The following PRKCA variants were observed in gnomAD, a reference collection of about 807,000 sequenced individuals.
PRKCA encodes protein kinase C alpha type.
PRKCA carries 27 observed loss-of-function variants against 87.0 expected under a neutral mutation model. The observed-to-expected ratio is 0.31, with a 90% CI of 0.23 to 0.43. The LOEUF is 0.43. Ranked by LOEUF, PRKCA falls within the 20% of genes least tolerant of loss-of-function variation. PRKCA has a pLI of 1.00. For missense variants in PRKCA, 518 were observed against 852.3 expected, an observed-to-expected ratio of 0.61 and a Z score of 4.88; for synonymous variants, 329 against 311.1, an observed-to-expected ratio of 1.06 and a Z score of -0.61.
chr17:66,486,632 C>T (rs952766296), intron 2 of PRKCA, among the ~76,000 whole-genome samples: 17 of 152,110 alleles, frequency 1.1e-4, no homozygotes, highest in African/African-American at 3.4e-4. Context: ...TTCCAGGACT[C>T]GCCTTGCAGT....
chr17:66,788,634 C>T (rs945361263), intron 15 of PRKCA, among the ~76,000 whole-genome samples: 7 of 152,100 alleles, frequency 4.6e-5, no homozygotes, highest in African/African-American at 1.7e-4. Flanking sequence ...TTGAAAACCA[C>T]CATAGGAAGG....
intron 8 of PRKCA, among the ~76,000 whole-genome samples, chr17:66,720,959 C>T (rs1259957302): frequency 6.6e-6 from 1 of 152,062 alleles, no homozygotes; most frequent in Non-Finnish European, 1.5e-5. Flanking sequence ...TGAGAATGAA[C>T]ACATTTAAAG....
chr17:66,456,509 A>G (rs1210355452), intron 2 of PRKCA, among the ~76,000 whole-genome samples: 1 of 152,168 alleles, frequency 6.6e-6, no homozygotes, highest in Non-Finnish European at 1.5e-5. Context: ...CCCAGATGTG[A>G]TGCCCAGGTG....
intron 2 of PRKCA, among the ~76,000 whole-genome samples, chr17:66,358,491 A>G (rs1908198697): frequency 6.7e-6 from 1 of 150,184 alleles, no homozygotes; most frequent in South Asian, 2.1e-4. Flanking sequence ...AATAGATGGT[A>G]ATCTATTACA....
chr17:66,650,703 G>A (rs893104238), intron 5 of PRKCA, among the ~76,000 whole-genome samples: 20 of 152,066 alleles, frequency 1.3e-4, no homozygotes, highest in African/African-American at 4.8e-4. Context: ...CTAGGGCCCT[G>A]CGCGATTTGA....
chr17:66,374,512 A>G (rs377757443), intron 2 of PRKCA, among the ~76,000 whole-genome samples: 113 of 152,140 alleles, frequency 7.4e-4, no homozygotes, highest in African/African-American at 2.6e-3. Flanking sequence ...GAGACTTGCT[A>G]TCTGATTTCC....
At chr17:66,595,694 C>G (rs946725670) in intron 3 of PRKCA, among the ~76,000 whole-genome samples, 4 of 152,022 alleles carry the variant, frequency 2.6e-5, no homozygotes, top group South Asian at 2.1e-4. Context: ...ATCTCCTGAC[C>G]TCGTGATCCG....
intron 8 of PRKCA, among the ~76,000 whole-genome samples, chr17:66,723,478 A>G (rs999738081): frequency 1.1e-4 from 16 of 152,052 alleles, no homozygotes; most frequent in African/African-American, 3.9e-4. Flanking sequence ...AAATACAAAA[A>G]TTAGCCAGGC....
At chr17:66,425,546 C>A (rs1487456680) in intron 2 of PRKCA, among the ~76,000 whole-genome samples, 1 of 152,046 alleles carries the variant, frequency 6.6e-6, no homozygotes, top group African/African-American at 2.4e-5. Context: ...GTGGCAGTCT[C>A]ATGAAAAAAA....
intron 3 of PRKCA, among the ~76,000 whole-genome samples, chr17:66,638,109 AAT>A (rs57070883): frequency 0.28 from 42,118 of 149,430 alleles, 5,935 homozygotes; most frequent in East Asian, 0.44. Context: ...TTGTTTCTAA[AAT>A]ATATATATAT....
intron 5 of PRKCA, among the ~76,000 whole-genome samples, chr17:66,653,751 T>A (rs1039885390): frequency 7.0e-6 from 1 of 143,220 alleles, no homozygotes; most frequent in African/African-American, 2.6e-5. Context: ...ATGCCTACTT[T>A]AAAGACACCA....
At chr17:66,497,367 C>A (rs565719618) in intron 3 of PRKCA, among the ~76,000 whole-genome samples, 1 of 151,884 alleles carries the variant, frequency 6.6e-6, no homozygotes, top group Non-Finnish European at 1.5e-5. Flanking sequence ...CGTGGTGGCG[C>A]ATCCTGAGAT....
rs77847041 is a variant in PRKCA, at chr17:66,782,710, A to G, written c.1606-4157A>G. Among the ~76,000 whole-genome samples, 1,210 of 151,996 alleles carry G rather than the reference A, an allele frequency of 8.0e-3. 11 individuals are homozygous for G. The highest frequency in any genetic ancestry group is 0.028 in the African/African-American group (1,158 of 41,428). Reference sequence around the variant, plus strand: ...TCAGCCTTCTAAAATTTACCCCAACACCCTTGCCCTCATTAGAGTCTTCTT... The same window carrying G: ...TCAGCCTTCTAAAATTTACCCCAACGCCCTTGCCCTCATTAGAGTCTTCTT... On this transcript the variant is annotated intron_variant, in intron 14 of 16. Transcript: ENST00000413366.
intron 3 of PRKCA, among the ~76,000 whole-genome samples, chr17:66,634,667 G>A (rs1005316570): frequency 1.3e-5 from 2 of 152,196 alleles, no homozygotes; most frequent in African/African-American, 4.8e-5. Flanking sequence ...CTACCATGTA[G>A]GAGATAAAAT....
At chr17:66,730,358 G>A (rs552807722) in intron 8 of PRKCA, among the ~76,000 whole-genome samples, 1 of 152,318 alleles carries the variant, frequency 6.6e-6, no homozygotes, top group Admixed American at 6.5e-5. Flanking sequence ...GTGAAAGCAA[G>A]TTTATTAAGA....
intron 14 of PRKCA, chr17:66,775,187 T>C: frequency 7.3e-6 from 7 of 953,678 alleles, no homozygotes; most frequent in Non-Finnish European, 8.7e-6. Context: ...CACCCCCACA[T>C]AGGACACTTC....
At chr17:66,454,274 G>A (rs1458152676) in intron 2 of PRKCA, among the ~76,000 whole-genome samples, 2 of 152,178 alleles carry the variant, frequency 1.3e-5, no homozygotes, top group Non-Finnish European at 2.9e-5. Flanking sequence ...AAGCATTTTG[G>A]GGTTGACAGT....
intron 2 of PRKCA, among the ~76,000 whole-genome samples, chr17:66,313,820 A>G (rs939243508): frequency 2.6e-5 from 4 of 152,204 alleles, no homozygotes; most frequent in Admixed American, 2.0e-4. Flanking sequence ...TTGTGCTTTA[A>G]TATGCAAGTA....
chr17:66,470,220 A>AC, intron 2 of PRKCA, among the ~76,000 whole-genome samples: 1 of 139,546 alleles, frequency 7.2e-6, no homozygotes, highest in South Asian at 2.3e-4. Context: ...TTTAAAAGAC[A>AC]GAGTTTTGCT....
Sources: gnomAD v4.1 joint callset for allele counts (sites outside exome capture counted in the v4.1 genomes callset) on GRCh38, gnomAD v4.1.1 for gene constraint, MANE v1.5 for transcripts, NCBI Gene and HGNC (gene_info 2026-07-23, HGNC 2026-07-21) for gene names.